The following CLEC16A variants were observed in gnomAD, a reference collection of about 807,000 sequenced individuals.
CLEC16A encodes the protein C-type lectin domain containing 16A, also known as protein CLEC16A.
CLEC16A carries 51 observed loss-of-function variants against 109.5 expected under a neutral mutation model. That is an observed-to-expected ratio of 0.47 (90% confidence interval 0.37 to 0.59). CLEC16A has a LOEUF of 0.59. CLEC16A is among the 20% of genes least tolerant of loss of function. The pLI, the probability that CLEC16A is intolerant of heterozygous loss-of-function variation, is 0.00. For missense variants in CLEC16A, 1,339 were observed against 1,394.0 expected (o/e 0.96, Z 0.63); for synonymous variants, 673 against 564.2 (o/e 1.19, Z -2.73).
At chr16:11,110,212 C>T (rs1341007678) in intron 19 of CLEC16A, among the ~76,000 whole-genome samples, 1 of 152,208 alleles carries the variant, frequency 6.6e-6, no homozygotes, top group Non-Finnish European at 1.5e-5. Context: ...TCCACAAATA[C>T]TTCTTCAGCA....
intron 18 of CLEC16A, among the ~76,000 whole-genome samples, chr16:11,059,956 C>T (rs1347713253): frequency 1.3e-5 from 2 of 152,192 alleles, no homozygotes; most frequent in Non-Finnish European, 2.9e-5. Flanking sequence ...AGCAGCTGTG[C>T]CTCAGGGAGA....
rs199779939 is a variant in CLEC16A, at chr16:11,179,543, C to A, written c.*853C>A. On this transcript the variant is annotated 3_prime_UTR_variant, in exon 24 of 24. Transcript: ENST00000409790. The stretch of plus-strand genomic sequence containing the variant: ...AGGAAAAGGAGGAATGTAGCCAGCT[C>A]CCCACTCAGGACGCTTCCTCATTTC... The A allele has an allele frequency of 2.0e-5, 3 of 152,196 alleles. No individual in the cohort carries two copies. Among genetic ancestry groups the A allele is most frequent in the African/African-American group, 7.2e-5 (3 of 41,430 alleles). 9.4% of individuals were successfully genotyped at this position (152,196 alleles called of 1,614,324 possible). A position where few individuals can be genotyped will look rare whatever the true frequency, so the allele number is the denominator to read the frequency against.
intron 19 of CLEC16A, among the ~76,000 whole-genome samples, chr16:11,071,626 G>T: frequency 6.7e-6 from 1 of 148,514 alleles, no homozygotes. Flanking sequence ...TTTAAGAGAT[G>T]GGATCTTGCT....
intron 22 of CLEC16A, among the ~76,000 whole-genome samples, chr16:11,144,057 C>T (rs948062354): frequency 1.8e-4 from 27 of 152,218 alleles, no homozygotes; most frequent in African/African-American, 6.5e-4. Flanking sequence ...CTTAAATCTG[C>T]AAACCCAGAA....
chr16:11,065,189 A>T (rs1444796147), intron 19 of CLEC16A, among the ~76,000 whole-genome samples: 1 of 152,138 alleles, frequency 6.6e-6, no homozygotes, highest in East Asian at 1.9e-4. Context: ...ATTCCTTGGG[A>T]TTGACCTCAG....
At chr16:11,169,769 T>A (rs1445225470) in intron 23 of CLEC16A, among the ~76,000 whole-genome samples, 1 of 152,216 alleles carries the variant, frequency 6.6e-6, no homozygotes, top group Non-Finnish European at 1.5e-5. Flanking sequence ...ACAGTTGGTG[T>A]GGCCCAGGCA....
At chr16:11,026,355 G>T (rs1196418335) in intron 13 of CLEC16A, among the ~76,000 whole-genome samples, 2 of 152,160 alleles carry the variant, frequency 1.3e-5, no homozygotes, top group Admixed American at 6.5e-5. Context: ...GCTTTTTAAG[G>T]TTACGTATTT....
intron 10 of CLEC16A, among the ~76,000 whole-genome samples, chr16:10,985,407 G>A (rs1044663021): frequency 4.6e-5 from 7 of 152,110 alleles, no homozygotes; most frequent in Admixed American, 4.6e-4. Context: ...CCCCATCAAT[G>A]CACGTTTCTA....
At chr16:11,044,378 A>G (rs1373111691) in intron 16 of CLEC16A, among the ~76,000 whole-genome samples, 1 of 152,206 alleles carries the variant, frequency 6.6e-6, no homozygotes, top group African/African-American at 2.4e-5. Flanking sequence ...GTACGTATAA[A>G]CACATATAAA....
intron 22 of CLEC16A, among the ~76,000 whole-genome samples, chr16:11,144,912 C>T (rs1364444584): frequency 1.3e-5 from 2 of 152,092 alleles, no homozygotes; most frequent in African/African-American, 2.4e-5. Flanking sequence ...TCTGGATGGC[C>T]CTGCCCTCAT....
At chr16:11,015,425 C>G (rs1157151534) in intron 11 of CLEC16A, among the ~76,000 whole-genome samples, 1 of 152,176 alleles carries the variant, frequency 6.6e-6, no homozygotes, top group African/African-American at 2.4e-5. Context: ...TGCACTCATA[C>G]TCAATATCCA....
At chr16:11,019,211 C>T (rs961966769) in intron 11 of CLEC16A, among the ~76,000 whole-genome samples, 1 of 152,118 alleles carries the variant, frequency 6.6e-6, no homozygotes, top group African/African-American at 2.4e-5. Flanking sequence ...TTTGAAAGTC[C>T]ACGCCCGCAC....
intron 13 of CLEC16A, among the ~76,000 whole-genome samples, chr16:11,026,820 G>A (rs1370624927): frequency 6.6e-6 from 1 of 152,134 alleles, no homozygotes; most frequent in Admixed American, 6.5e-5. Context: ...AATGACACAG[G>A]CTCTAAAAAC....
intron 1 of CLEC16A, among the ~76,000 whole-genome samples, chr16:10,955,703 G>T (rs2041954129): frequency 6.6e-6 from 1 of 152,166 alleles, no homozygotes; most frequent in Admixed American, 6.5e-5. Flanking sequence ...CATTGACCAG[G>T]AGTATGATGT....
chr16:10,956,359 C>T (rs1463287588), intron 1 of CLEC16A, among the ~76,000 whole-genome samples: 1 of 152,158 alleles, frequency 6.6e-6, no homozygotes, highest in Non-Finnish European at 1.5e-5. Context: ...CTCTTTATGT[C>T]TTACCCGTTT....
intron 22 of CLEC16A, among the ~76,000 whole-genome samples, chr16:11,164,086 A>C (rs1388058911): frequency 6.6e-6 from 1 of 151,934 alleles, no homozygotes; most frequent in Non-Finnish European, 1.5e-5. Flanking sequence ...GGCCCCCGAC[A>C]CACACACACA....
At chr16:11,075,929 ACT>A (rs1567283580) in intron 19 of CLEC16A, among the ~76,000 whole-genome samples, 1 of 151,978 alleles carries the variant, frequency 6.6e-6, no homozygotes, top group African/African-American at 2.4e-5. Context: ...AGAAATGATC[ACT>A]CTAGTTATTC....
In CLEC16A at chr16:11,030,761, C is replaced by T. The variant is rs751951111; in HGVS notation, c.1537+5840C>T. On this transcript the variant is annotated intron_variant, in intron 13 of 23. Transcript: ENST00000409790. ...CCAGGTTCAAGCAATTCTCCTGCCT[C>T]AGCCTCCAGAGTAGCTGGGACTACA... 1.4e-4 allele frequency among the ~76,000 whole-genome samples: 22 copies of T among 152,342 alleles called. 1 individual carries two copies. The highest frequency in any genetic ancestry group is 1.2e-3 in the South Asian group (6 of 4,832).
At chr16:11,169,953 C>G (rs2068435377) in intron 23 of CLEC16A, among the ~76,000 whole-genome samples, 1 of 152,164 alleles carries the variant, frequency 6.6e-6, no homozygotes, top group South Asian at 2.1e-4. Context: ...CACTCCGCCT[C>G]ACATTGTACA....
Sources: allele counts gnomAD v4.1 joint callset (sites outside exome capture counted in the v4.1 genomes callset), GRCh38; gene constraint gnomAD v4.1.1; transcripts MANE v1.5; gene names NCBI Gene and HGNC (gene_info 2026-07-23, HGNC 2026-07-21).